Variants in CPXM2 observed in about 807,000 individuals in gnomAD.
CPXM2 encodes inactive carboxypeptidase-like protein X2.
A neutral mutation model predicts 86.1 loss-of-function variants in CPXM2; 66 were observed. That is an observed-to-expected ratio of 0.77 (90% confidence interval 0.63 to 0.94). CPXM2 has a LOEUF of 0.94. CPXM2 is among the 40% of genes least tolerant of loss of function. The pLI, the probability that CPXM2 is intolerant of heterozygous loss-of-function variation, is 0.00. For synonymous variants in CPXM2, 388 were observed against 400.2 expected (o/e 0.97, Z 0.36); for missense variants, 948 against 1,026.3 (o/e 0.92, Z 1.04).
rs150522415 is a variant in CPXM2 at position 123,751,321 on chromosome 10, G to A, written c.2017+3342C>T. 8.0e-3 allele frequency among the ~76,000 whole-genome samples: 1,213 copies of A among 152,272 alleles called. 16 individuals carry two copies. The highest frequency in any genetic ancestry group is 0.028 in the African/African-American group (1,148 of 41,556). ...GTAGAGAGCAGTCCTGTGTGCAAAT[G>A]ATCAAAGGTTGATATCTGGAGACAT... On this transcript the variant is annotated intron_variant, in intron 13 of 13. Transcript: ENST00000241305.
intron 6 of CPXM2, among the ~76,000 whole-genome samples, chr10:123,789,847 G>T (rs6599622): frequency 6.6e-6 from 1 of 152,084 alleles, no homozygotes; most frequent in Non-Finnish European, 1.5e-5. Context: ...GGCCGGGTGC[G>T]GTGGCTCACA....
intron 2 of CPXM2, among the ~76,000 whole-genome samples, chr10:123,867,323 T>G (rs1944807331): frequency 6.6e-6 from 1 of 152,148 alleles, no homozygotes; most frequent in African/African-American, 2.4e-5. Flanking sequence ...GATTTTCCTA[T>G]GCTAAAGAAT....
intron 7 of CPXM2, among the ~76,000 whole-genome samples, chr10:123,774,798 C>A (rs1354784354): frequency 6.6e-6 from 1 of 152,182 alleles, no homozygotes; most frequent in African/African-American, 2.4e-5. Flanking sequence ...AACGGAGAAG[C>A]AACATGCAAA....
chr10:123,824,617 C>T (rs188362041), intron 4 of CPXM2, among the ~76,000 whole-genome samples: 44 of 152,294 alleles, frequency 2.9e-4, no homozygotes, highest in South Asian at 1.0e-3. Context: ...ACCTGTAGTG[C>T]TGGATGGCAT....
At chr10:123,760,297 G>C (rs770204619) in intron 11 of CPXM2, among the ~76,000 whole-genome samples, 4 of 152,114 alleles carry the variant, frequency 2.6e-5, no homozygotes, top group Non-Finnish European at 4.4e-5. Flanking sequence ...TTGGTAGGTG[G>C]GTTTTTAGGG....
chr10:123,943,626 C>T (rs757921610), upstream of CPXM2, among the ~76,000 whole-genome samples: 1 of 152,194 alleles, frequency 6.6e-6, no homozygotes, highest in Non-Finnish European at 1.5e-5. Context: ...AAATAACAAA[C>T]GAGGTCCTAA....
At chr10:123,771,248 C>G (rs560959941) in intron 7 of CPXM2, among the ~76,000 whole-genome samples, 3 of 152,250 alleles carry the variant, frequency 2.0e-5, no homozygotes, top group Admixed American at 6.5e-5. Flanking sequence ...TTCCAGCACC[C>G]GCTCTATCAT....
intron 2 of CPXM2, among the ~76,000 whole-genome samples, chr10:123,931,933 T>C (rs897668862): frequency 1.3e-5 from 2 of 152,192 alleles, no homozygotes; most frequent in Non-Finnish European, 2.9e-5. Context: ...ATGAGAACTA[T>C]GGATGCTTTA....
At chr10:123,926,309 T>C (rs1358640989) in intron 2 of CPXM2, among the ~76,000 whole-genome samples, 1 of 152,264 alleles carries the variant, frequency 6.6e-6, no homozygotes, top group East Asian at 1.9e-4. Context: ...TAAGGTTTAA[T>C]TTGGATATTG....
At chr10:123,791,306 C>T (rs769636874) in intron 6 of CPXM2, among the ~76,000 whole-genome samples, 6 of 152,198 alleles carry the variant, frequency 3.9e-5, no homozygotes. Flanking sequence ...ATCCCAGCTA[C>T]TCAGGAAGGC....
Position 123,842,341 on chromosome 10 carries a change from A to G in CPXM2, c.653+8T>C. 6.2e-7 allele frequency: 1 copy of G among 1,614,248 alleles called. No homozygotes were observed. Among genetic ancestry groups the G allele is most frequent in the East Asian group, 2.2e-5 (1 of 44,892 alleles). On this transcript the variant is annotated splice_region_variant and intron_variant, in intron 4 of 13. Coordinates refer to ENST00000241305, the MANE Select transcript of CPXM2 (RefSeq NM_198148.3). ...GGGTCCAGAAAGCATATGTCCAGGT[A>G]CACTCACAGCCAGAGGGAGTTCCTC...
intron 2 of CPXM2, among the ~76,000 whole-genome samples, chr10:123,906,110 C>T (rs1362171037): frequency 6.6e-6 from 1 of 152,180 alleles, no homozygotes; most frequent in Non-Finnish European, 1.5e-5. Flanking sequence ...CAGAAAGCCT[C>T]CCCCTGTCTG....
chr10:123,907,601 G>A (rs748388025), intron 2 of CPXM2, among the ~76,000 whole-genome samples: 2 of 151,806 alleles, frequency 1.3e-5, no homozygotes, highest in Non-Finnish European at 2.9e-5. Context: ...TTAGAAACTG[G>A]CTACAGGTTC....
At chr10:123,840,469 A>T (rs1263522901) in intron 4 of CPXM2, among the ~76,000 whole-genome samples, 1 of 152,204 alleles carries the variant, frequency 6.6e-6, no homozygotes, top group Non-Finnish European at 1.5e-5. Context: ...AAAGTATGAA[A>T]ATGTTTTCTC....
chr10:123,814,972 C>T (rs182573373), intron 4 of CPXM2, among the ~76,000 whole-genome samples: 2 of 152,262 alleles, frequency 1.3e-5, no homozygotes, highest in Admixed American at 1.3e-4. Flanking sequence ...TTGCAGTGAT[C>T]CAAGATTGCA....
intron 4 of CPXM2, among the ~76,000 whole-genome samples, chr10:123,806,737 G>A (rs914824604): frequency 3.3e-5 from 5 of 152,048 alleles, no homozygotes; most frequent in South Asian, 2.1e-4. Context: ...CTTACGTGGC[G>A]GCAGGAGACA....
At chr10:123,779,373 G>A (rs575057327) in intron 7 of CPXM2, among the ~76,000 whole-genome samples, 5 of 152,302 alleles carry the variant, frequency 3.3e-5, no homozygotes, top group African/African-American at 9.6e-5. Flanking sequence ...TGCAAATGCT[G>A]TCAAAAGCTC....
At chr10:123,785,044 T>C (rs1847019193) in intron 6 of CPXM2, among the ~76,000 whole-genome samples, 1 of 152,232 alleles carries the variant, frequency 6.6e-6, no homozygotes, top group Admixed American at 6.5e-5. Flanking sequence ...AGTGGAAACC[T>C]CTAGAAAATT....
intron 6 of CPXM2, among the ~76,000 whole-genome samples, chr10:123,795,907 T>C (rs2134062806): frequency 6.6e-6 from 1 of 152,270 alleles, no homozygotes; most frequent in East Asian, 1.9e-4. Context: ...CTTTTTGCCC[T>C]TTGCCAACAA....
Sources: allele counts gnomAD v4.1 joint callset (sites outside exome capture counted in the v4.1 genomes callset), GRCh38; gene constraint gnomAD v4.1.1; transcripts MANE v1.5; gene names NCBI Gene and HGNC (gene_info 2026-07-23, HGNC 2026-07-21).